The following UNC79 variants were observed in gnomAD, a reference collection of about 807,000 sequenced individuals.
UNC79 encodes the protein protein unc-79 homolog.
A neutral mutation model predicts 283.1 loss-of-function variants in UNC79; 37 were observed. The observed-to-expected ratio is 0.13, with a 90% CI of 0.10 to 0.17. The LOEUF (loss-of-function observed/expected upper bound fraction) is 0.17, where lower values mean the gene tolerates loss of function less well. Among genes scored for constraint, UNC79 ranks in the 10% least tolerant of loss-of-function variants. The pLI, the probability that UNC79 is intolerant of heterozygous loss-of-function variation, is 1.00. For missense variants in UNC79, 2,272 were observed against 3,211.1 expected (o/e 0.71, Z 7.07); for synonymous variants, 1,107 against 1,200.2 (o/e 0.92, Z 1.61).
Position 93,430,798 on chromosome 14 carries a change from C to T in UNC79, c.-232C>T. 2.1e-6 allele frequency: 1 copy of T among 480,396 alleles called. No homozygotes were observed. Among genetic ancestry groups the T allele is most frequent in the Non-Finnish European group, 3.8e-6 (1 of 262,138 alleles). 29.8% of individuals were successfully genotyped at this position (480,396 alleles called of 1,614,324 possible). A position where few individuals can be genotyped will look rare whatever the true frequency, so the allele number is the denominator to read the frequency against. ...GGACGGACAGGAAGCCTTTGGCCGC[C>T]TATTAAATCCCACCCATTTCTCCGG... On this transcript the variant is annotated 5_prime_UTR_variant, in exon 1 of 49. Transcript: ENST00000555664. This position sits in a 1 kb window ranked among gnomAD's most constrained non-coding sequence, Gnocchi z 4.6.
intron 17 of UNC79, among the ~76,000 whole-genome samples, chr14:93,575,686 A>G (rs2063437850): frequency 6.6e-6 from 1 of 152,208 alleles, no homozygotes; most frequent in Non-Finnish European, 1.5e-5. Flanking sequence ...TGTAGATGAG[A>G]AAAGTCAAGA....
chr14:93,392,965 ATTGT>A (rs1326265076), intron 1 of UNC79, among the ~76,000 whole-genome samples: 3 of 152,178 alleles, frequency 2.0e-5, no homozygotes, highest in Non-Finnish European at 4.4e-5. Context: ...TCCTTTAAAA[ATTGT>A]TTGTTTGGGT....
intron 14 of UNC79, among the ~76,000 whole-genome samples, chr14:93,564,164 G>C (rs1407618438): frequency 6.6e-6 from 1 of 152,208 alleles, no homozygotes; most frequent in African/African-American, 2.4e-5. Context: ...GGATGAGTCA[G>C]GGAGAGCTAG....
chr14:93,440,367 C>T (rs570562728), intron 1 of UNC79, among the ~76,000 whole-genome samples: 3 of 151,770 alleles, frequency 2.0e-5, no homozygotes, highest in South Asian at 2.1e-4. Flanking sequence ...TCTATTTTGT[C>T]GATTTCTTTT....
chr14:93,542,452 C>G lies in UNC79; in HGVS notation c.1525-14C>G. 6.2e-7 allele frequency: 1 copy of G among 1,607,766 alleles called. No homozygotes were observed. The highest frequency in any genetic ancestry group is 8.5e-7 in the Non-Finnish European group (1 of 1,175,920). On this transcript the variant is annotated splice_polypyrimidine_tract_variant and intron_variant, in intron 13 of 48. Coordinates refer to ENST00000555664, the Ensembl canonical transcript of UNC79. Reference sequence around the variant, plus strand: ...GATGGAAGCCGAACAAGGTTCTAATCTACCTACTTCTAGGTGAGCCTCTGC... The same window carrying G: ...GATGGAAGCCGAACAAGGTTCTAATGTACCTACTTCTAGGTGAGCCTCTGC...
exon 1 of UNC79, chr14:93,333,264 T>TCGGGTCGCTGGGAGTA: frequency 3.3e-6 from 1 of 307,598 alleles, no homozygotes; most frequent in East Asian, 6.1e-5. Flanking sequence ...CGCTGGGAGT[T>TCGGGTCGCTGGGAGTA]TGCCTCTTGT....
chr14:93,351,562 T>C (rs952516258), intron 1 of UNC79, among the ~76,000 whole-genome samples: 1 of 152,212 alleles, frequency 6.6e-6, no homozygotes, highest in Non-Finnish European at 1.5e-5. Flanking sequence ...AGCTTACAGG[T>C]CTTAGAGGGC....
chr14:93,479,287 T>G (rs1051201820), intron 4 of UNC79, among the ~76,000 whole-genome samples: 1 of 146,174 alleles, frequency 6.8e-6, no homozygotes, highest in Non-Finnish European at 1.5e-5. Flanking sequence ...CTTCCTCCCT[T>G]CGTCCCTTCT....
chr14:93,443,699 A>C (rs1345400997), intron 1 of UNC79, among the ~76,000 whole-genome samples: 1 of 152,222 alleles, frequency 6.6e-6, no homozygotes, highest in Non-Finnish European at 1.5e-5. Context: ...CTGGGATTAC[A>C]GGCATGAGCC....
intron 47 of UNC79, among the ~76,000 whole-genome samples, chr14:93,700,944 A>G (rs1396794387): frequency 6.6e-6 from 1 of 152,138 alleles, no homozygotes; most frequent in Non-Finnish European, 1.5e-5. Flanking sequence ...TATAACTTGC[A>G]TGTACTGGTC....
chr14:93,522,782 T>C (rs1413941592), intron 7 of UNC79, among the ~76,000 whole-genome samples: 2 of 152,132 alleles, frequency 1.3e-5, no homozygotes, highest in Non-Finnish European at 2.9e-5. Context: ...TCTTTTCAAA[T>C]AAATAGACCT....
At chr14:93,407,774 A>G (rs1327119610) in intron 1 of UNC79, among the ~76,000 whole-genome samples, 1 of 152,188 alleles carries the variant, frequency 6.6e-6, no homozygotes, top group Non-Finnish European at 1.5e-5. Flanking sequence ...TCTCCTCCCC[A>G]GTACCTTACT....
At chr14:93,662,485 A>G (rs1210312937) in intron 39 of UNC79, 119 bp from the exon 43 acceptor site, 15 of 687,136 alleles carry the variant, frequency 2.2e-5, no homozygotes, top group East Asian at 1.1e-4. Context: ...GCCACTGGGC[A>G]ACAGAGTTTT....
At chr14:93,676,733 C>T (rs1013880084) in intron 41 of UNC79, among the ~76,000 whole-genome samples, 1 of 152,194 alleles carries the variant, frequency 6.6e-6, no homozygotes, top group Admixed American at 6.5e-5. Context: ...GCCAAAAGAA[C>T]ACTGACAGTT....
rs185352939 is a variant in UNC79 at position 93,664,676 on chromosome 14, C to T, written c.6636+1962C>T. On this transcript the variant is annotated intron_variant, in intron 40 of 48. Transcript: ENST00000555664. ...GAACTGGGAGAAAGATTTATAGTCTCCCTTGAAAATTAGTAAACATGGGCC... is the reference window on the plus strand; with the variant it reads ...GAACTGGGAGAAAGATTTATAGTCTTCCTTGAAAATTAGTAAACATGGGCC... 2.5e-4 allele frequency among the ~76,000 whole-genome samples: 38 copies of T among 152,208 alleles called. 1 individual carries two copies. In the East Asian group the frequency reaches 6.9e-3, roughly 28 times the overall value.
intron 1 of UNC79, among the ~76,000 whole-genome samples, chr14:93,450,125 G>C (rs370286938): frequency 6.6e-6 from 1 of 152,178 alleles, no homozygotes; most frequent in East Asian, 1.9e-4. Flanking sequence ...TTGCAGTGCT[G>C]TTGTGTAGGC....
chr14:93,508,833 A>G (rs1267672991), intron 7 of UNC79, among the ~76,000 whole-genome samples: 2 of 152,110 alleles, frequency 1.3e-5, no homozygotes, highest in African/African-American at 2.4e-5. Context: ...TTCCTTTCAA[A>G]TCTTTATATC....
In UNC79 at chr14:93,538,225, C is replaced by G; in HGVS notation, c.1352+7C>G. On this transcript the variant is annotated splice_region_variant and intron_variant, in intron 12 of 48. Coordinates refer to ENST00000555664, the Ensembl canonical transcript of UNC79. ...CCGTGGAAGCCGTGATCAGGTAACA[C>G]GCAGTTTCTTAGTAGCTGCCTCTGA... 2.6e-6 allele frequency: 4 copies of G among 1,564,484 alleles called. No individual in the cohort carries two copies. The highest frequency in any genetic ancestry group is 3.5e-6 in the Non-Finnish European group (4 of 1,154,140).
intron 10 of UNC79, among the ~76,000 whole-genome samples, chr14:93,532,243 G>A (rs1038051470): frequency 6.6e-6 from 1 of 151,522 alleles, no homozygotes; most frequent in South Asian, 2.1e-4. Flanking sequence ...AAGGCAGGAG[G>A]GTTGCTTGTG....
Sources: gnomAD v4.1 joint callset for allele counts (sites outside exome capture counted in the v4.1 genomes callset) on GRCh38, gnomAD v4.1.1 for gene constraint, Gnocchi (gnomAD v3.1) non-coding constraint, MANE v1.5 for transcripts, NCBI Gene and HGNC (gene_info 2026-07-23, HGNC 2026-07-21) for gene names.